The following UGT1A5 variants were observed in gnomAD, a reference collection of about 807,000 sequenced individuals.
The protein encoded by UGT1A5 is UDP-glucuronosyltransferase 1A5.
In UGT1A5, 29 loss-of-function variants were observed where a neutral mutation model predicts 40.3. The ratio of observed to expected loss-of-function variants is 0.72; its 90% CI spans 0.54 to 0.98. The LOEUF (loss-of-function observed/expected upper bound fraction) is 0.98. Among genes scored for constraint, UGT1A5 ranks in the 50% least tolerant of loss-of-function variants. UGT1A5 has a pLI of 0.00. For synonymous variants in UGT1A5, 257 were observed against 262.5 expected (o/e 0.98, Z 0.20); for missense variants, 678 against 677.9 (o/e 1.00, Z 0.00).
intron 1 of UGT1A5, chr2:233,743,913 C>T: frequency 7.3e-7 from 1 of 1,365,508 alleles, no homozygotes; most frequent in South Asian, 1.1e-5. Flanking sequence ...TAGTAGTCCA[C>T]CATGCTGGAT....
chr2:233,715,167 C>G (rs767247099), intron 1 of UGT1A5, among the ~76,000 whole-genome samples: 1 of 152,042 alleles, frequency 6.6e-6, no homozygotes, highest in Non-Finnish European at 1.5e-5. Flanking sequence ...ATTACAGGCG[C>G]GAGCCACCAC....
intron 1 of UGT1A5, among the ~76,000 whole-genome samples, chr2:233,730,808 C>A (rs2078077498): frequency 6.6e-6 from 1 of 152,092 alleles, no homozygotes; most frequent in Non-Finnish European, 1.5e-5. Flanking sequence ...GGACATGCGT[C>A]CAAGAAGGGA....
intron 1 of UGT1A5, among the ~76,000 whole-genome samples, chr2:233,758,854 C>A (rs1032361524): frequency 6.6e-6 from 1 of 152,158 alleles, no homozygotes; most frequent in Admixed American, 6.5e-5. Context: ...CCAATTCTGG[C>A]TGCACAATAC....
chr2:233,734,966 G>A (rs1165220522), intron 1 of UGT1A5, among the ~76,000 whole-genome samples: 1 of 152,234 alleles, frequency 6.6e-6, no homozygotes, highest in Non-Finnish European at 1.5e-5. Flanking sequence ...AGTGTGATGT[G>A]GTGCTGAGAA....
At chr2:233,717,333 C>A (rs1334785551) in intron 1 of UGT1A5, among the ~76,000 whole-genome samples, 1 of 152,204 alleles carries the variant, frequency 6.6e-6, no homozygotes, top group East Asian at 1.9e-4. Flanking sequence ...CCTCACAAAT[C>A]CCCAGAAATC....
chr2:233,733,128 G>A (rs1348090612), intron 1 of UGT1A5, among the ~76,000 whole-genome samples: 1 of 152,132 alleles, frequency 6.6e-6, no homozygotes, highest in East Asian at 1.9e-4. Flanking sequence ...TTGGTGTATA[G>A]GAATGCTTGT....
At chr2:233,729,153 G>A in intron 1 of UGT1A5, 4 of 1,613,546 alleles carry the variant, frequency 2.5e-6, no homozygotes, top group Non-Finnish European at 3.4e-6. Context: ...AGGTTCCCCT[G>A]CCGTGGCTGG....
At chr2:233,726,270 A>G (rs6711351) in intron 1 of UGT1A5, among the ~76,000 whole-genome samples, 81,704 of 152,100 alleles carry the variant, frequency 0.54, 23,602 homozygotes, top group African/African-American at 0.76. Context: ...GCATGCGCCT[A>G]TGGTCCCAGG....
chr2:233,763,322 A>T (rs767434078), intron 1 of UGT1A5, among the ~76,000 whole-genome samples: 4 of 152,108 alleles, frequency 2.6e-5, no homozygotes, highest in Non-Finnish European at 5.9e-5. Context: ...CTTCTGTATT[A>T]TTTTTGTTTA....
intron 1 of UGT1A5, among the ~76,000 whole-genome samples, chr2:233,757,733 CA>C (rs1183069560): frequency 6.6e-6 from 1 of 151,564 alleles, no homozygotes; most frequent in Non-Finnish European, 1.5e-5. Context: ...AGATGATCTA[CA>C]GGGCACTGGA....
At chr2:233,745,275 A>G (rs1321529311) in intron 1 of UGT1A5, among the ~76,000 whole-genome samples, 1 of 151,868 alleles carries the variant, frequency 6.6e-6, no homozygotes, top group East Asian at 1.9e-4. Flanking sequence ...GGCCGTGTGT[A>G]TAGCACTGGG....
rs1409125726 is a variant in UGT1A5, at chr2:233,724,318, C to A, written c.867+10460C>A. ...CCCCCCACCTCCCTCCCGGACGGGG[C>A]GGCTGGCCAGGCGGGGGGCTGACCC... is the stretch of plus-strand genomic sequence containing the variant. On this transcript the variant is annotated intron_variant, in intron 1 of 4. Transcript: ENST00000373414. Among the ~76,000 whole-genome samples, 124 of 143,122 alleles carry A rather than the reference C, an allele frequency of 8.7e-4. 1 individual carries two copies. Among genetic ancestry groups the A allele is most frequent in the African/African-American group, 2.9e-3 (111 of 38,264 alleles). 93.9% of individuals were successfully genotyped at this position (143,122 alleles called of 152,430 possible).
intron 1 of UGT1A5, chr2:233,761,197 G>A (rs369591851): frequency 3.7e-6 from 6 of 1,613,996 alleles, no homozygotes; most frequent in Non-Finnish European, 5.1e-6. Flanking sequence ...TCTTTCAGAT[G>A]TATTACTTTG....
At chr2:233,759,870 C>G (rs1487937360) in intron 1 of UGT1A5, among the ~76,000 whole-genome samples, 1 of 152,172 alleles carries the variant, frequency 6.6e-6, no homozygotes, top group African/African-American at 2.4e-5. Context: ...AGCGGGGGTA[C>G]AGTTGTGTTC....
chr2:233,740,556 T>G (rs1691418967), intron 1 of UGT1A5: 1 of 151,834 alleles, frequency 6.6e-6, no homozygotes, highest in African/African-American at 2.4e-5. Flanking sequence ...AGAAAAAATG[T>G]CCGGCATTTT....
intron 1 of UGT1A5, among the ~76,000 whole-genome samples, chr2:233,732,232 C>T (rs2078252352): frequency 6.6e-6 from 1 of 152,176 alleles, no homozygotes; most frequent in South Asian, 2.1e-4. Flanking sequence ...TTCTCCCATT[C>T]TGTAGGTTGC....
At chr2:233,751,815 C>G (rs186854463) in intron 1 of UGT1A5, among the ~76,000 whole-genome samples, 1 of 152,308 alleles carries the variant, frequency 6.6e-6, no homozygotes, top group East Asian at 1.9e-4. Context: ...TTTCCTGAGG[C>G]CTCCCCAGCC....
At chr2:233,740,928 T>C (rs1315246376) in intron 1 of UGT1A5, 1 of 34,774 alleles carries the variant, frequency 2.9e-5, no homozygotes, top group Non-Finnish European at 4.7e-5. Flanking sequence ...CCACAAAAAG[T>C]TTTTTTTTTA....
In UGT1A5 at chr2:233,769,728, GCCTGT is replaced by G. The variant is rs1290172672; in HGVS notation, c.1307+1290_1307+1294del. The G allele has an allele frequency of 6.8e-7, 1 of 1,472,430 alleles. No individual in the cohort carries two copies. Among genetic ancestry groups the G allele is most frequent in the African/African-American group, 1.4e-5 (1 of 71,662 alleles). 91.2% of individuals were successfully genotyped at this position (1,472,430 alleles called of 1,614,324 possible). A position where few individuals can be genotyped will look rare whatever the true frequency, so the allele number is the denominator to read the frequency against. On this transcript the variant is annotated intron_variant, in intron 4 of 4. Coordinates refer to ENST00000373414, the MANE Select transcript of UGT1A5 (RefSeq NM_019078.2). This position sits in a 1 kb window ranked among gnomAD's most constrained non-coding sequence, Gnocchi z 4.4. ...ATGTTGGCTAGGCACCATGGCACAC[GCCTGT>G]AGTCCCAGCCACTCTGGAGGCTAAG...
Sources: gnomAD v4.1 joint callset for allele counts (sites outside exome capture counted in the v4.1 genomes callset) on GRCh38, gnomAD v4.1.1 for gene constraint, Gnocchi (gnomAD v3.1) non-coding constraint, MANE v1.5 for transcripts, NCBI Gene and HGNC (gene_info 2026-07-23, HGNC 2026-07-21) for gene names.